The following ACSL1 variants were observed in gnomAD, a reference collection of about 807,000 sequenced individuals.
The protein encoded by ACSL1 is long-chain-fatty-acid--CoA ligase 1.
A neutral mutation model predicts 98.4 loss-of-function variants in ACSL1; 41 were observed. The ratio of observed to expected loss-of-function variants is 0.42; its 90% confidence interval spans 0.32 to 0.54. The LOEUF (loss-of-function observed/expected upper bound fraction) is 0.54. Ranked by LOEUF, ACSL1 falls within the 20% of genes least tolerant of loss-of-function variation. The pLI is 0.13. For synonymous variants in ACSL1, 316 were observed against 322.7 expected, an observed-to-expected ratio of 0.98 and a Z score of 0.22; for missense variants, 734 against 883.1, an observed-to-expected ratio of 0.83 and a Z score of 2.14.
intron 2 of ACSL1, among the ~76,000 whole-genome samples, chr4:184,796,053 T>G (rs113219534): frequency 6.6e-6 from 1 of 152,134 alleles, no homozygotes. Flanking sequence ...AACATTTGAG[T>G]CAGTGGGCTG....
intron 7 of ACSL1, among the ~76,000 whole-genome samples, chr4:184,775,560 G>A (rs1018389474): frequency 3.9e-5 from 6 of 152,236 alleles, no homozygotes; most frequent in Admixed American, 1.3e-4. Context: ...GCGGAATCAC[G>A]TTCGATGCTA....
At chr4:184,762,255 A>G (rs751271289) in intron 17 of ACSL1, 152 bp downstream of exon 17, 33 of 688,856 alleles carry the variant, frequency 4.8e-5, no homozygotes, top group Non-Finnish European at 8.4e-5. Flanking sequence ...CCTGCAGGAA[A>G]TGGAACAGTC....
Position 184,776,652 on chromosome 4 carries a change from A to G in ACSL1, c.588T>C (p.Ser196=). Residue 196 remains serine, a synonymous_variant, in exon 7 of 21, where the codon TCT becomes TCC. Coordinates refer to ENST00000281455, the MANE Select transcript of ACSL1 (RefSeq NM_001995.5). ...TCTCTGGCTTGTCAACAAAAACCAG[A>G]GAGAGTTCAGCTGTAAATGAAGAGA... ...ITYIVNKAEL[S]LVFVDKPEKA... 2 of 1,610,900 alleles carry G rather than the reference A, an allele frequency of 1.2e-6. No individual in the cohort carries two copies. Among genetic ancestry groups the G allele is most frequent in the South Asian group, 2.2e-5 (2 of 91,034 alleles).
At chr4:184,765,735 T>C (rs76916232) in intron 14 of ACSL1, among the ~76,000 whole-genome samples, 156 bp downstream of exon 14, 5,048 of 152,180 alleles carry the variant, frequency 0.033, 308 homozygotes, top group African/African-American at 0.12. Flanking sequence ...ACATATTACA[T>C]ACATCAAAAC....
At chr4:184,802,056 A>T (rs1770619534) in intron 2 of ACSL1, among the ~76,000 whole-genome samples, 1 of 152,218 alleles carries the variant, frequency 6.6e-6, no homozygotes, top group South Asian at 2.1e-4. Flanking sequence ...CCTTAGGAAA[A>T]GGGAGATTCC....
chr4:184,788,660 G>C lies in ACSL1; in HGVS notation c.267C>G (p.Val89=), dbSNP rs769295701. The C allele has an allele frequency of 6.2e-6, 10 of 1,614,022 alleles. No homozygotes were observed. The highest frequency in any genetic ancestry group is 8.5e-6 in the Non-Finnish European group (10 of 1,180,026). ...TCTGGAAACCTTCGTATAATGTTGT[G>C]ACATCATCATAGAAATACACCAAGG... The part of the protein sequence containing the change: ...DEPLVYFYDD[V]TTLYEGFQRG... Residue 89 remains valine (V), a synonymous_variant, in exon 3 of 21, where the codon GTC becomes GTG. Coordinates refer to ENST00000281455, the MANE Select transcript of ACSL1 (RefSeq NM_001995.5).
At chr4:184,824,313 G>C (rs1320408455) in intron 1 of ACSL1, among the ~76,000 whole-genome samples, 5 of 151,730 alleles carry the variant, frequency 3.3e-5, no homozygotes. Context: ...TTTTAGTAGA[G>C]ATAGGGTTTC....
rs1257403027 is a variant in ACSL1 at position 184,776,493 on chromosome 4, C to T, written c.747G>A (p.Lys249=). The T allele has an allele frequency of 3.1e-6, 5 of 1,612,704 alleles. No individual in the cohort carries two copies. The highest frequency in any genetic ancestry group is 1.7e-5 in the Admixed American group (1 of 59,776). The part of the protein sequence containing the change: ...QRCGVEVTSM[K]AMEDLGRANR... Reference sequence around the variant, plus strand: ...GAGGCAGGGCACTCACCTCCATCGCCTTCATGCTGGTGACTTCCACCCCAC... The same window carrying T: ...GAGGCAGGGCACTCACCTCCATCGCTTTCATGCTGGTGACTTCCACCCCAC... Residue 249 remains lysine (K), a synonymous_variant, in exon 7 of 21, where the codon AAG becomes AAA. Transcript: ENST00000281455.
intron 7 of ACSL1, among the ~76,000 whole-genome samples, chr4:184,775,508 A>C (rs1765145129): frequency 1.3e-5 from 2 of 152,188 alleles, no homozygotes; most frequent in Admixed American, 6.5e-5. Context: ...GTAAGAAGCT[A>C]TAAAACCCCA....
At chr4:184,778,086 C>G (rs540634196) in intron 5 of ACSL1, among the ~76,000 whole-genome samples, 1 of 152,252 alleles carries the variant, frequency 6.6e-6, no homozygotes, top group African/African-American at 2.4e-5. Context: ...ACTGGCCACA[C>G]TGCCACATGC....
intron 4 of ACSL1, among the ~76,000 whole-genome samples, chr4:184,783,672 A>T (rs550970496): frequency 6.6e-6 from 1 of 152,362 alleles, no homozygotes; most frequent in Non-Finnish European, 1.5e-5. Context: ...TTTTATCTTA[A>T]AAATTATACT....
chr4:184,815,429 G>A (rs1413883722), intron 1 of ACSL1, among the ~76,000 whole-genome samples: 3 of 152,042 alleles, frequency 2.0e-5, no homozygotes, highest in Non-Finnish European at 4.4e-5. Flanking sequence ...AAGGAGGCTC[G>A]CCCTCACCCA....
chr4:184,773,565 G>T lies in ACSL1; in HGVS notation c.841+98C>A. The T allele has an allele frequency of 8.6e-7, 1 of 1,163,526 alleles. No individual in the cohort carries two copies. Among genetic ancestry groups the T allele is most frequent in the Non-Finnish European group, 1.2e-6 (1 of 819,590 alleles). 72.1% of individuals were successfully genotyped at this position (1,163,526 alleles called of 1,614,324 possible). On this transcript the variant is annotated intron_variant, in intron 9 of 20. Coordinates refer to ENST00000281455, the MANE Select transcript of ACSL1 (RefSeq NM_001995.5). This position sits in a 1 kb window ranked among gnomAD's most constrained non-coding sequence, Gnocchi z 4.3. ...ACCGCTTCCTTCTCTTCTGCTTTTG[G>T]TCCGTCTACTGTTAGCTGATAAGTC...
intron 2 of ACSL1, among the ~76,000 whole-genome samples, chr4:184,802,184 T>C (rs919541227): frequency 1.3e-5 from 2 of 152,262 alleles, no homozygotes; most frequent in African/African-American, 4.8e-5. Context: ...ATTCTATATT[T>C]ATATTTTGGC....
intron 1 of ACSL1, chr4:184,820,953 A>G: frequency 2.2e-6 from 1 of 449,098 alleles, no homozygotes; most frequent in Non-Finnish European, 4.5e-6. Flanking sequence ...CCCAGCAATT[A>G]GGAGCACAGA....
chr4:184,766,825 A>G lies in ACSL1; in HGVS notation c.1129-69T>C. On this transcript the variant is annotated intron_variant, in intron 12 of 20. Coordinates refer to ENST00000281455, the MANE Select transcript of ACSL1 (RefSeq NM_001995.5). This position sits in a 1 kb window ranked among gnomAD's most constrained non-coding sequence, Gnocchi z 4.8. ...GGCCAGAGTCAAAGAGTGTGGAGAAATCAGAACCCTCACACACAGCTGGGG... is the reference window on the plus strand; with the variant it reads ...GGCCAGAGTCAAAGAGTGTGGAGAAGTCAGAACCCTCACACACAGCTGGGG... 1 of 1,517,742 alleles carries G rather than the reference A, an allele frequency of 6.6e-7. No homozygotes were observed. The highest frequency in any genetic ancestry group is 1.2e-5 in the South Asian group (1 of 83,090). The allele number at this position is 1,517,742 out of a possible 1,614,324, so 94.0% of individuals were successfully genotyped here. A position where few individuals can be genotyped will look rare whatever the true frequency, so the allele number is the denominator to read the frequency against.
chr4:184,771,192 C>T (rs1176842098), intron 10 of ACSL1, among the ~76,000 whole-genome samples: 1 of 152,094 alleles, frequency 6.6e-6, no homozygotes, highest in Admixed American at 6.5e-5. Context: ...AGTAAATCCA[C>T]TTCAGGGCTT....
chr4:184,757,802 A>T lies in ACSL1; in HGVS notation c.1884+17T>A, dbSNP rs765781142. ...CCAAGTTATGATGAGGACAGACTGG[A>T]CCCTTCAGAACCTTACCTTATTTCT... is the stretch of plus-strand genomic sequence containing the variant. On this transcript the variant is annotated intron_variant, in intron 19 of 20. Coordinates refer to ENST00000281455, the MANE Select transcript of ACSL1 (RefSeq NM_001995.5). This position sits in a 1 kb window ranked among gnomAD's most constrained non-coding sequence, Gnocchi z 4.5. 14 of 1,613,136 alleles carry T rather than the reference A, an allele frequency of 8.7e-6. No individual in the cohort carries two copies. The African/African-American group carries it at 1.6e-4, about 18-fold the overall frequency.
chr4:184,809,653 A>G (rs551611626), intron 1 of ACSL1, among the ~76,000 whole-genome samples: 235 of 151,960 alleles, frequency 1.5e-3, no homozygotes, highest in Non-Finnish European at 2.8e-3. Flanking sequence ...AAAATTAGCC[A>G]GGCGTGGTGG....
Sources: gnomAD v4.1 joint callset for allele counts (sites outside exome capture counted in the v4.1 genomes callset) on GRCh38, gnomAD v4.1.1 for gene constraint, Gnocchi (gnomAD v3.1) non-coding constraint, MANE v1.5 for transcripts, NCBI Gene and HGNC (gene_info 2026-07-23, HGNC 2026-07-21) for gene names.